EIF5B: variants seen among roughly 807,000 people sequenced by gnomAD.
EIF5B encodes the protein eIF-5B.
Under a neutral mutation model 147.5 loss-of-function variants are expected in EIF5B, and 47 were observed. The ratio of observed to expected loss-of-function variants is 0.32; its 90% confidence interval spans 0.25 to 0.41. EIF5B has a LOEUF of 0.41. EIF5B is among the 10% of genes least tolerant of loss of function. The pLI is 1.00. For missense variants in EIF5B, 1,064 were observed against 1,413.2 expected (o/e 0.75, Z 3.96); for synonymous variants, 455 against 456.2 (o/e 1.00, Z 0.03).
intron 1 of EIF5B, among the ~76,000 whole-genome samples, chr2:99,341,758 A>G (rs539946139): frequency 6.6e-6 from 1 of 152,244 alleles, no homozygotes; most frequent in African/African-American, 2.4e-5. Context: ...ATAAACTTAC[A>G]CTATGATACA....
intron 8 of EIF5B, 37 bp from the exon 9 acceptor site, chr2:99,371,619 T>C: frequency 6.3e-7 from 1 of 1,576,766 alleles, no homozygotes; most frequent in Non-Finnish European, 8.6e-7. Flanking sequence ...TATTTCTAAA[T>C]AATTTTTGTG....
In EIF5B at chr2:99,390,451, A is replaced by G. The variant is rs895176444; in HGVS notation, c.2586+50A>G. On this transcript the variant is annotated intron_variant, in intron 16 of 23. Transcript: ENST00000289371. ...TGTTTTTTTTTTTTTTAAAAATAGC[A>G]AGTTCCTTGAGTGGAGGATATTTAC... 3 of 1,579,392 alleles carry G rather than the reference A, an allele frequency of 1.9e-6. No homozygotes were observed. In the African/African-American group the frequency reaches 4.1e-5, roughly 22 times the overall value.
intron 6 of EIF5B, among the ~76,000 whole-genome samples, chr2:99,366,510 C>T (rs6650789): frequency 0.013 from 1,958 of 152,172 alleles, 43 homozygotes; most frequent in African/African-American, 0.045. Flanking sequence ...TTCTTCAGTA[C>T]ATGCACAACA....
At chr2:99,359,202 A>G (rs1674152780) in intron 1 of EIF5B, among the ~76,000 whole-genome samples, 1 of 123,252 alleles carries the variant, frequency 8.1e-6, no homozygotes, top group South Asian at 2.9e-4. Flanking sequence ...CTCTACTTAA[A>G]ATACAAAAAA....
Position 99,360,447 on chromosome 2 carries a change from A to C in EIF5B, c.162-18A>C. 1 of 1,611,352 alleles carries C rather than the reference A, an allele frequency of 6.2e-7. No homozygotes were observed. Among genetic ancestry groups the C allele is most frequent in the South Asian group, 1.1e-5 (1 of 90,454 alleles). Reference sequence around the variant, plus strand: ...AAACTATACCAGTGCTTCACAATGTATTTTAATCCTTTTCTAGTGAAGATG... The same window carrying C: ...AAACTATACCAGTGCTTCACAATGTCTTTTAATCCTTTTCTAGTGAAGATG... On this transcript the variant is annotated intron_variant, in intron 2 of 23. Coordinates refer to ENST00000289371, the MANE Select transcript of EIF5B (RefSeq NM_015904.4).
At chr2:99,388,526 A>T (rs1674855842) in intron 14 of EIF5B, among the ~76,000 whole-genome samples, 1 of 152,118 alleles carries the variant, frequency 6.6e-6, no homozygotes, top group Admixed American at 6.5e-5. Context: ...TTCTTTAATC[A>T]TGAATGGTTG....
At chr2:99,397,199 G>A in intron 22 of EIF5B, 1 of 226,986 alleles carries the variant, frequency 4.4e-6, no homozygotes, top group Admixed American at 5.7e-5. Context: ...GGGCTCCAAG[G>A]CACTTTACAT....
chr2:99,341,772 CATT>C (rs1323678340), intron 1 of EIF5B, among the ~76,000 whole-genome samples: 1 of 152,160 alleles, frequency 6.6e-6, no homozygotes, highest in East Asian at 1.9e-4. Context: ...TGATACATAA[CATT>C]ATTAAATAAC....
rs1674216513 is a variant in EIF5B at position 99,361,597 on chromosome 2, G to A, written c.696G>A (p.Lys232=). The stretch of plus-strand genomic sequence containing the variant: ...AAATTAAGACAGTGGCCCAAAAGAA[G>A]GCAGAAAAGAAGGAGCGCGAGAGAA... The part of the protein sequence containing the change: ...SFKIKTVAQK[K]AEKKERERKK... The change falls in exon 4 of 24, where the codon AAG becomes AAA. Residue 232 remains lysine, a synonymous_variant. Coordinates refer to ENST00000289371, the MANE Select transcript of EIF5B (RefSeq NM_015904.4). 1 of 1,601,990 alleles carries A rather than the reference G, an allele frequency of 6.2e-7. No individual in the cohort carries two copies. Among genetic ancestry groups the A allele is most frequent in the African/African-American group, 1.4e-5 (1 of 73,730 alleles).
chr2:99,368,785 A>G (rs1302698301), intron 7 of EIF5B, among the ~76,000 whole-genome samples, 194 bp downstream of exon 7: 2 of 152,220 alleles, frequency 1.3e-5, no homozygotes, highest in African/African-American at 2.4e-5. Context: ...AAAGTATTTT[A>G]CTTTGAAAAA....
chr2:99,360,447 A>G lies in EIF5B; in HGVS notation c.162-18A>G. 6.2e-7 allele frequency: 1 copy of G among 1,611,352 alleles called. No individual in the cohort carries two copies. Among genetic ancestry groups the G allele is most frequent in the South Asian group, 1.1e-5 (1 of 90,454 alleles). On this transcript the variant is annotated intron_variant, in intron 2 of 23. Coordinates refer to ENST00000289371, the MANE Select transcript of EIF5B (RefSeq NM_015904.4). ...AAACTATACCAGTGCTTCACAATGT[A>G]TTTTAATCCTTTTCTAGTGAAGATG...
In EIF5B at chr2:99,363,647, G is replaced by A. The variant is rs1674267261; in HGVS notation, c.922G>A (p.Asp308Asn). The A allele has an allele frequency of 1.9e-6, 3 of 1,575,578 alleles. No homozygotes were observed. The change falls in exon 5 of 24, where the codon GAC becomes AAC. Residue 308 changes from aspartate (D) to asparagine (N), a missense_variant and splice_region_variant. Transcript: ENST00000289371. ...TTTGCCTTTATTCTTTTTGGTAGAT[G>A]ACAATGAAGGAGACAAAAAGAAGAA... Reference protein sequence around the residue: ...KAETPTAAEDDNEGDKKKKDK... With the variant: ...KAETPTAAEDNNEGDKKKKDK...
chr2:99,389,940 G>C, intron 15 of EIF5B, 91 bp downstream of exon 15: 1 of 1,452,780 alleles, frequency 6.9e-7, no homozygotes, highest in African/African-American at 1.4e-5. Context: ...ATTAATACTG[G>C]TTCTTTTCCT....
chr2:99,374,175 G>A (rs1028890998), intron 9 of EIF5B, among the ~76,000 whole-genome samples: 2 of 151,218 alleles, frequency 1.3e-5, no homozygotes, highest in African/African-American at 4.9e-5. Flanking sequence ...TGTAATCCTA[G>A]CTACTCAGGT....
chr2:99,393,922 A>AT (rs1674989622), intron 18 of EIF5B, among the ~76,000 whole-genome samples: 1 of 152,254 alleles, frequency 6.6e-6, no homozygotes, highest in Non-Finnish European at 1.5e-5. Flanking sequence ...TTGGGCTATC[A>AT]TAACACATTA....
rs1439246882 is a variant in EIF5B, at chr2:99,343,014, G to A, written c.35+5425G>A. ...CTTACTCTGTTGGCCAGGCTGGAGT[G>A]CAGTGGCGTGATATTGGCTCACTGC... On this transcript the variant is annotated intron_variant, in intron 1 of 23. Coordinates refer to ENST00000289371, the MANE Select transcript of EIF5B (RefSeq NM_015904.4). 2.0e-5 allele frequency among the ~76,000 whole-genome samples: 3 copies of A among 150,528 alleles called. No homozygotes were observed. The East Asian group carries it at 5.9e-4, about 29-fold the overall frequency.
intron 1 of EIF5B, among the ~76,000 whole-genome samples, chr2:99,354,627 T>C (rs1674053697): frequency 6.6e-6 from 1 of 152,120 alleles, no homozygotes; most frequent in Non-Finnish European, 1.5e-5. Flanking sequence ...CCTAAAAGTT[T>C]ATGCTTTTAT....
chr2:99,345,846 G>A (rs1160320049), intron 1 of EIF5B, among the ~76,000 whole-genome samples: 1 of 151,772 alleles, frequency 6.6e-6, no homozygotes, highest in Non-Finnish European at 1.5e-5. Flanking sequence ...AGGAGGCTGA[G>A]GTGGGAGGAT....
chr2:99,345,943 C>CAAA (rs70940169), intron 1 of EIF5B, among the ~76,000 whole-genome samples: 12 of 137,050 alleles, frequency 8.8e-5, no homozygotes, highest in African/African-American at 3.1e-4. Flanking sequence ...GACCCTGTCT[C>CAAA]AAAAAAAAAA....
Sources: allele counts gnomAD v4.1 joint callset (sites outside exome capture counted in the v4.1 genomes callset), GRCh38; gene constraint gnomAD v4.1.1; transcripts MANE v1.5; gene names NCBI Gene and HGNC (gene_info 2026-07-23, HGNC 2026-07-21).